Variants in ETS1 observed in about 807,000 individuals in gnomAD.
ETS1 encodes the protein protein C-ets-1.
Under a neutral mutation model 58.6 loss-of-function variants are expected in ETS1, and 15 were observed. The observed-to-expected ratio is 0.26, with a 90% confidence interval of 0.17 to 0.39. The LOEUF (loss-of-function observed/expected upper bound fraction) is 0.39, where lower values mean the gene tolerates loss of function less well. Among genes scored for constraint, ETS1 ranks in the 10% least tolerant of loss-of-function variants. ETS1 has a pLI of 1.00. For missense variants in ETS1, 417 were observed against 610.5 expected, an observed-to-expected ratio of 0.68 and a Z score of 3.34; for synonymous variants, 214 against 218.2, an observed-to-expected ratio of 0.98 and a Z score of 0.17.
In ETS1 at chr11:128,585,315, A is replaced by G. The variant is rs1462754127; in HGVS notation, c.-15+2173T>C. Among the ~76,000 whole-genome samples, 140 of 136,466 alleles carry G rather than the reference A, an allele frequency of 1.0e-3. 1 individual carries two copies. Among genetic ancestry groups the G allele is most frequent in the African/African-American group, 3.8e-3 (135 of 35,676 alleles). 89.5% of individuals were successfully genotyped at this position (136,466 alleles called of 152,430 possible). A position where few individuals can be genotyped will look rare whatever the true frequency, so the allele number is the denominator to read the frequency against. On this transcript the variant is annotated intron_variant, in intron 1 of 9. Coordinates refer to ENST00000392668, the MANE Select transcript of ETS1 (RefSeq NM_001143820.2). ...GATAGAAAGGGAGGGAAGGGAGGGAAGAAGGAAGGAAGGAAGCAAGGAAGG... is the reference window on the plus strand; with the variant it reads ...GATAGAAAGGGAGGGAAGGGAGGGAGGAAGGAAGGAAGGAAGCAAGGAAGG...
intron 2 of ETS1, among the ~76,000 whole-genome samples, chr11:128,560,656 C>A (rs115766305): frequency 6.6e-6 from 1 of 152,168 alleles, no homozygotes; most frequent in African/African-American, 2.4e-5. Context: ...GGTTACTGTT[C>A]CATAATAGGT....
intron 8 of ETS1, among the ~76,000 whole-genome samples, chr11:128,473,382 C>T (rs940977469): frequency 4.6e-5 from 7 of 152,248 alleles, no homozygotes; most frequent in Non-Finnish European, 1.0e-4. Context: ...GTATACCCAG[C>T]ACTGCTCCAA....
At chr11:128,554,045 C>T (rs1864276626) in intron 3 of ETS1, among the ~76,000 whole-genome samples, 2 of 152,168 alleles carry the variant, frequency 1.3e-5, no homozygotes, top group African/African-American at 2.4e-5. Flanking sequence ...CTTCATCTCC[C>T]TTCCCTATAA....
chr11:128,561,523 T>G (rs7131407), intron 2 of ETS1, among the ~76,000 whole-genome samples: 2 of 152,308 alleles, frequency 1.3e-5, no homozygotes, highest in East Asian at 3.9e-4. Flanking sequence ...GCACCCCATG[T>G]GGATGCCTCA....
At chr11:128,470,177 C>A (rs1384946327) in intron 8 of ETS1, among the ~76,000 whole-genome samples, 1 of 152,180 alleles carries the variant, frequency 6.6e-6, no homozygotes, top group African/African-American at 2.4e-5. Flanking sequence ...CAGTTAAAAC[C>A]AGTCTTTGAC....
At chr11:128,530,295 G>A (rs1311465722) in intron 3 of ETS1, 1 of 152,152 alleles carries the variant, frequency 6.6e-6, no homozygotes, top group Non-Finnish European at 1.5e-5. Flanking sequence ...CTCATGAGGT[G>A]GAACAGACCC....
chr11:128,523,566 A>G (rs1234405480), intron 3 of ETS1, among the ~76,000 whole-genome samples: 3 of 152,202 alleles, frequency 2.0e-5, no homozygotes, highest in Non-Finnish European at 4.4e-5. Context: ...GCCTCTGGTA[A>G]GTTTTGACAC....
At chr11:128,513,063 C>A (rs1475335362) in intron 3 of ETS1, among the ~76,000 whole-genome samples, 1 of 152,212 alleles carries the variant, frequency 6.6e-6, no homozygotes, top group Admixed American at 6.5e-5. Flanking sequence ...CAGTGCTACC[C>A]AAGACAACAT....
chr11:128,486,263 A>G, intron 5 of ETS1, 117 bp from the exon 6 acceptor site: 1 of 661,606 alleles, frequency 1.5e-6, no homozygotes. Flanking sequence ...AGAAATCTGC[A>G]TACTCATTAA....
intron 7 of ETS1, among the ~76,000 whole-genome samples, chr11:128,481,325 C>A (rs1422682514): frequency 6.6e-6 from 1 of 151,580 alleles, no homozygotes; most frequent in Admixed American, 6.6e-5. Context: ...CATGCAAGTT[C>A]ATTAATTTCC....
At chr11:128,520,730 G>A (rs964960234) in intron 3 of ETS1, among the ~76,000 whole-genome samples, 3 of 152,230 alleles carry the variant, frequency 2.0e-5, no homozygotes, top group African/African-American at 7.2e-5. Flanking sequence ...AGAGGGAGGG[G>A]ACGTGACCTA....
Position 128,484,867 on chromosome 11 carries a change from T to C in ETS1, c.818A>G (p.Glu273Gly). The change falls in exon 7 of 10, where the codon GAA becomes GGA. Residue 273 changes from glutamate to glycine, a missense_variant. Physicochemically the swap from Glu to Gly is moderately conservative, Grantham distance 98. Transcript: ENST00000392668. The part of the protein sequence containing the change: ...LQNDYFAIKQ[E>G]VVTPDNMCMG... The stretch of plus-strand genomic sequence containing the variant: ...GCACATGTTGTCTGGGGTGACGACT[T>C]CTTGTTTGATAGCAAAGTAGTCATT... 1 of 1,614,064 alleles carries C rather than the reference T, an allele frequency of 6.2e-7. No homozygotes were observed. The highest frequency in any genetic ancestry group is 8.5e-7 in the Non-Finnish European group (1 of 1,179,962).
chr11:128,484,572 G>T (rs1219255076), intron 7 of ETS1, among the ~76,000 whole-genome samples: 2 of 152,136 alleles, frequency 1.3e-5, no homozygotes, highest in Non-Finnish European at 2.9e-5. Flanking sequence ...GCCCAAGTAA[G>T]ATATTTAATT....
intron 8 of ETS1, among the ~76,000 whole-genome samples, chr11:128,475,935 T>C (rs1862312684): frequency 6.6e-6 from 1 of 151,928 alleles, no homozygotes; most frequent in Non-Finnish European, 1.5e-5. Context: ...AATTTGGAAG[T>C]TGAATTCCAG....
chr11:128,550,017 T>G (rs1430772712), intron 3 of ETS1, among the ~76,000 whole-genome samples: 2 of 152,194 alleles, frequency 1.3e-5, no homozygotes, highest in Non-Finnish European at 2.9e-5. Flanking sequence ...TATTTATTGG[T>G]CCCCTGCGAT....
At chr11:128,528,191 A>C (rs896208708) in intron 3 of ETS1, among the ~76,000 whole-genome samples, 1 of 152,144 alleles carries the variant, frequency 6.6e-6, no homozygotes, top group African/African-American at 2.4e-5. Context: ...TGCAGTTAAG[A>C]CCTAGTAAAG....
At position 128,585,187 on chromosome 11, in the gene ETS1, AAG is replaced by A. The variant is rs1348019153; in HGVS notation, c.-15+2299_-15+2300del. Reference sequence around the variant, plus strand: ...AAGAAAGAGAAAGAAAGAAAGAAAGAAGGAAGGAAAGAAAGAAAGAAAGAAAG... The same window carrying A: ...AAGAAAGAGAAAGAAAGAAAGAAAGAGAAGGAAAGAAAGAAAGAAAGAAAG... On this transcript the variant is annotated intron_variant, in intron 1 of 9. Transcript: ENST00000392668. Among the ~76,000 whole-genome samples, 19 of 35,920 alleles carry A rather than the reference AAG, an allele frequency of 5.3e-4. 2 individuals are homozygous for A. The highest frequency in any genetic ancestry group is 2.7e-3 in the African/African-American group (16 of 5,956). 23.6% of individuals were successfully genotyped at this position (35,920 alleles called of 152,430 possible). A position where few individuals can be genotyped will look rare whatever the true frequency, so the allele number is the denominator to read the frequency against.
At chr11:128,585,374 C>A (rs948682456) in intron 1 of ETS1, among the ~76,000 whole-genome samples, 1 of 144,034 alleles carries the variant, frequency 6.9e-6, no homozygotes, top group Non-Finnish European at 1.5e-5. Context: ...GGTCCCAGCT[C>A]GTGGGACGTA....
At chr11:128,526,719 C>T (rs974512918) in intron 3 of ETS1, 2 of 342,166 alleles carry the variant, frequency 5.8e-6, no homozygotes, top group Non-Finnish European at 1.1e-5. Context: ...GAGAAGAGAA[C>T]TAGATTTATA....
Sources: allele counts gnomAD v4.1 joint callset (sites outside exome capture counted in the v4.1 genomes callset), GRCh38; gene constraint gnomAD v4.1.1; transcripts MANE v1.5; gene names NCBI Gene and HGNC (gene_info 2026-07-23, HGNC 2026-07-21).